The following GLYATL1 variants were observed in gnomAD, a reference collection of about 807,000 sequenced individuals.
GLYATL1 encodes glycine-N-acyltransferase like 1.
GLYATL1 carries 15 observed loss-of-function variants against 20.0 expected under a neutral mutation model. The observed-to-expected ratio is 0.75, with a 90% CI of 0.50 to 1.15. GLYATL1 has a LOEUF of 1.15. Ranked by LOEUF, GLYATL1 falls within the 50% of genes most tolerant of loss-of-function variation. GLYATL1 has a pLI of 0.00. For synonymous variants in GLYATL1, 151 were observed against 131.5 expected, an observed-to-expected ratio of 1.15 and a Z score of -1.01; for missense variants, 380 against 368.5, an observed-to-expected ratio of 1.03 and a Z score of -0.26.
Position 58,947,031 on chromosome 11 carries a change from T to A in GLYATL1, c.-42-15T>A. 1 of 1,594,952 alleles carries A rather than the reference T, an allele frequency of 6.3e-7. No individual in the cohort carries two copies. The highest frequency in any genetic ancestry group is 8.6e-7 in the Non-Finnish European group (1 of 1,162,502). On this transcript the variant is annotated splice_polypyrimidine_tract_variant and intron_variant, in intron 2 of 6. Coordinates refer to ENST00000532726, the MANE Select transcript of GLYATL1 (RefSeq NM_001389712.2). ...TGTTTCCTTAACATTTTCCCTTCAT[T>A]TCTTATCTTTTCAGAGTTTCTTCTT...
At chr11:58,932,158 G>A (rs887048371) in intron 1 of GLYATL1, among the ~76,000 whole-genome samples, 1 of 134,256 alleles carries the variant, frequency 7.4e-6, no homozygotes, top group Non-Finnish European at 1.6e-5. Context: ...AGAGCCTGAA[G>A]CATGAAAAAG....
intron 1 of GLYATL1, among the ~76,000 whole-genome samples, chr11:58,906,972 T>C (rs923153666): frequency 3.3e-5 from 5 of 152,178 alleles, no homozygotes; most frequent in Admixed American, 1.3e-4. Flanking sequence ...AATCCTTTTT[T>C]AAAAAGCTCA....
chr11:58,914,843 C>T (rs1855133424), intron 1 of GLYATL1, among the ~76,000 whole-genome samples: 1 of 152,210 alleles, frequency 6.6e-6, no homozygotes, highest in South Asian at 2.1e-4. Flanking sequence ...CTCTGTCTCA[C>T]TAGGATATGT....
chr11:58,924,748 G>T (rs761182835), upstream of GLYATL1, among the ~76,000 whole-genome samples: 1 of 152,158 alleles, frequency 6.6e-6, no homozygotes, highest in African/African-American at 2.4e-5. Context: ...AAGAGTGACC[G>T]GTAGTGTTAC....
chr11:58,953,741 T>C (rs1857179653), intron 4 of GLYATL1, among the ~76,000 whole-genome samples: 1 of 152,204 alleles, frequency 6.6e-6, no homozygotes, highest in Non-Finnish European at 1.5e-5. Flanking sequence ...TTCAGGAACT[T>C]GCATTTATAA....
intron 1 of GLYATL1, among the ~76,000 whole-genome samples, chr11:58,941,555 G>T (rs1380811894): frequency 6.6e-6 from 1 of 152,086 alleles, no homozygotes; most frequent in African/African-American, 2.4e-5. Flanking sequence ...CCATTACTGG[G>T]TATATACCCA....
chr11:58,915,742 A>G (rs1855155950), intron 1 of GLYATL1, among the ~76,000 whole-genome samples: 1 of 152,162 alleles, frequency 6.6e-6, no homozygotes, highest in Non-Finnish European at 1.5e-5. Context: ...TCTCCAATAG[A>G]TACTGAATGT....
chr11:58,911,528 G>A (rs1421805765), downstream of GLYATL1, among the ~76,000 whole-genome samples: 1 of 152,134 alleles, frequency 6.6e-6, no homozygotes, highest in Non-Finnish European at 1.5e-5. Context: ...GGTATGTAAT[G>A]GCATCTTTTT....
At chr11:58,943,470 C>T (rs1033492970) in intron 1 of GLYATL1, 73 bp from the exon 2 acceptor site, 259 of 1,535,490 alleles carry the variant, frequency 1.7e-4, no homozygotes, top group Non-Finnish European at 2.2e-4. Context: ...TGTAGGCTGC[C>T]GGATTCACAA....
chr11:58,911,878 A>G (rs1855053355), downstream of GLYATL1, among the ~76,000 whole-genome samples: 1 of 152,230 alleles, frequency 6.6e-6, no homozygotes, highest in Admixed American at 6.5e-5. Context: ...TGTTGTTTAC[A>G]TCAGAGAACT....
At chr11:58,907,247 C>T (rs1477618593) in exon 2 of GLYATL1, 6 of 456,140 alleles carry the variant, frequency 1.3e-5, no homozygotes, top group Non-Finnish European at 2.2e-5. Context: ...GCAGGTCACC[C>T]GCCAGGTTTG....
rs187369530 is a variant in GLYATL1, at chr11:58,955,645, T to C, written c.527T>C (p.Val176Ala). ...TPNFKYAQLD[V>A]SYSGLVNDNW... The stretch of plus-strand genomic sequence containing the variant: ...AACTTTAAGTATGCCCAGCTGGATG[T>C]CTCTTATTCTGGGCTGGTAAATGAC... Residue 176 changes from valine to alanine, a missense_variant, in exon 7 of 7, where the codon GTC becomes GCC. Val to Ala is a moderately conservative substitution (Grantham distance 64). Transcript: ENST00000532726. 2 of 1,614,006 alleles carry C rather than the reference T, an allele frequency of 1.2e-6. No individual in the cohort carries two copies. The highest frequency in any genetic ancestry group is 1.3e-5 in the African/African-American group (1 of 74,912).
chr11:58,950,713 C>T (rs886278581), intron 4 of GLYATL1, among the ~76,000 whole-genome samples: 2 of 152,200 alleles, frequency 1.3e-5, no homozygotes, highest in African/African-American at 4.8e-5. Context: ...TCCCCACATT[C>T]TCACGAGCAC....
chr11:58,948,370 GTCTTC>G (rs2135232080), intron 4 of GLYATL1, among the ~76,000 whole-genome samples: 1 of 152,320 alleles, frequency 6.6e-6, no homozygotes, highest in South Asian at 2.1e-4. Flanking sequence ...CAGGCATGGT[GTCTTC>G]TACCTGTAAT....
intron 4 of GLYATL1, among the ~76,000 whole-genome samples, chr11:58,948,685 G>C (rs1856761352): frequency 6.6e-6 from 1 of 152,126 alleles, no homozygotes; most frequent in Non-Finnish European, 1.5e-5. Context: ...TTAGGAACCA[G>C]GGAAGGGACT....
upstream of GLYATL1, among the ~76,000 whole-genome samples, chr11:58,923,171 TC>T (rs1283316185): frequency 6.6e-6 from 1 of 152,198 alleles, no homozygotes; most frequent in Non-Finnish European, 1.5e-5. Context: ...CATTTGTCAA[TC>T]CCCAGGATTT....
chr11:58,942,544 A>G (rs1210218254), intron 1 of GLYATL1: 1 of 152,210 alleles, frequency 6.6e-6, no homozygotes, highest in Non-Finnish European at 1.5e-5. Flanking sequence ...GAACAGGTGA[A>G]GAAATGGAGT....
upstream of GLYATL1, among the ~76,000 whole-genome samples, chr11:58,924,486 G>T (rs1294832827): frequency 2.0e-5 from 3 of 152,148 alleles, no homozygotes; most frequent in African/African-American, 7.2e-5. Flanking sequence ...CTTCCAAAAA[G>T]GTTTGTAAAC....
At chr11:58,950,303 A>G (rs1460348584) in intron 4 of GLYATL1, among the ~76,000 whole-genome samples, 1 of 151,592 alleles carries the variant, frequency 6.6e-6, no homozygotes, top group African/African-American at 2.4e-5. Flanking sequence ...AAAAAAAAAA[A>G]CAAAAAAATA....
Sources: gnomAD v4.1 joint callset for allele counts (sites outside exome capture counted in the v4.1 genomes callset) on GRCh38, gnomAD v4.1.1 for gene constraint, MANE v1.5 for transcripts, NCBI Gene and HGNC (gene_info 2026-07-23, HGNC 2026-07-21) for gene names.